ZFHX3: variants seen among roughly 807,000 people sequenced by gnomAD.
ZFHX3 encodes the protein zinc finger homeobox 3.
In ZFHX3, 42 loss-of-function variants were observed where a neutral mutation model predicts 279.1. That is an observed-to-expected ratio of 0.15 (90% CI 0.12 to 0.19). The LOEUF is 0.19. Among genes scored for constraint, ZFHX3 ranks in the 10% least tolerant of loss-of-function variants. The probability of loss-of-function intolerance (pLI) is 1.00; values close to 1 mark genes in which losing one functional copy is unlikely to be tolerated. For missense variants in ZFHX3, 4,981 were observed against 4,754.0 expected (o/e 1.05, Z -1.40); for synonymous variants, 2,293 against 1,957.8 (o/e 1.17, Z -4.52).
intron 4 of ZFHX3, among the ~76,000 whole-genome samples, chr16:73,312,220 T>C (rs1447244224): frequency 6.6e-6 from 1 of 152,130 alleles, no homozygotes; most frequent in African/African-American, 2.4e-5. Flanking sequence ...GGATGTTTAG[T>C]CTGACGACAA....
chr16:73,737,060 G>A (rs371776082), intron 1 of ZFHX3, among the ~76,000 whole-genome samples: 3 of 151,952 alleles, frequency 2.0e-5, no homozygotes. Context: ...TTAAGACAGG[G>A]TCTCACTCTA....
At chr16:72,979,905 G>A (rs1962511492) in intron 1 of ZFHX3, among the ~76,000 whole-genome samples, 1 of 152,030 alleles carries the variant, frequency 6.6e-6, no homozygotes, top group African/African-American at 2.4e-5. Context: ...GCTTTTAAAG[G>A]TACACTATTT....
intron 5 of ZFHX3, among the ~76,000 whole-genome samples, chr16:73,243,130 C>T (rs1023227457): frequency 6.6e-6 from 1 of 152,194 alleles, no homozygotes; most frequent in African/African-American, 2.4e-5. Context: ...GAGCTAGTGG[C>T]ACAGCTCAGG....
At chr16:72,821,238 AACTTAT>A (rs2036782760) in intron 5 of ZFHX3, among the ~76,000 whole-genome samples, 1 of 152,132 alleles carries the variant, frequency 6.6e-6, no homozygotes, top group Non-Finnish European at 1.5e-5. Context: ...AAAATGTGAG[AACTTAT>A]ACTTAGGGAA....
At chr16:73,312,390 A>C (rs2015347402) in intron 4 of ZFHX3, among the ~76,000 whole-genome samples, 1 of 152,002 alleles carries the variant, frequency 6.6e-6, no homozygotes, top group African/African-American at 2.4e-5. Context: ...CCAAACACAA[A>C]GAAAAAAAAA....
rs374228403 is a variant in ZFHX3 at position 73,419,937 on chromosome 16, C to T, written c.-1291+36066G>A. Among the ~76,000 whole-genome samples, 16 of 151,106 alleles carry T rather than the reference C, an allele frequency of 1.1e-4. No individual in the cohort carries two copies. The South Asian group carries it at 2.3e-3, about 22-fold the overall frequency. On this transcript the variant is annotated intron_variant, in intron 3 of 17. Transcript: ENST00000641206. ...TTTTTTTTTTCTGGAGACAGGGTCT[C>T]ACTCTGTCACCCAGGCTGGAGTCCA...
chr16:72,934,023 T>G (rs553064300), intron 3 of ZFHX3, among the ~76,000 whole-genome samples: 1 of 152,178 alleles, frequency 6.6e-6, no homozygotes, highest in African/African-American at 2.4e-5. Context: ...TTTCACCGTG[T>G]TAGCCAGGAT....
chr16:73,206,408 G>T (rs2011805063), intron 5 of ZFHX3, among the ~76,000 whole-genome samples: 1 of 152,088 alleles, frequency 6.6e-6, no homozygotes, highest in Non-Finnish European at 1.5e-5. Context: ...AGGAAAACAG[G>T]GAGTCTGCTG....
At chr16:73,784,791 AAAAAAATATATATAT>A (rs1433099099) in intron 1 of ZFHX3, among the ~76,000 whole-genome samples, 1 of 114,486 alleles carries the variant, frequency 8.7e-6, no homozygotes, top group African/African-American at 3.5e-5. Flanking sequence ...CAAAATAAAA[AAAAAAATATATATAT>A]ATATATATAT....
At chr16:73,131,661 T>G (rs1196229631) in intron 6 of ZFHX3, among the ~76,000 whole-genome samples, 1 of 152,226 alleles carries the variant, frequency 6.6e-6, no homozygotes, top group Non-Finnish European at 1.5e-5. Flanking sequence ...TGCCTTTACC[T>G]GATTTTGCCT....
intron 1 of ZFHX3, among the ~76,000 whole-genome samples, chr16:73,798,312 C>A (rs1161738314): frequency 6.6e-6 from 1 of 151,364 alleles, no homozygotes. Context: ...GGAAGATATT[C>A]TTGGAGAGAT....
At chr16:73,376,598 T>C (rs145070026) in intron 3 of ZFHX3, among the ~76,000 whole-genome samples, 27 of 152,342 alleles carry the variant, frequency 1.8e-4, no homozygotes, top group Admixed American at 3.3e-4. Context: ...TTTTGCATCA[T>C]TGGCTGGAGT....
At chr16:73,490,834 C>A (rs2019046314) in intron 2 of ZFHX3, among the ~76,000 whole-genome samples, 1 of 152,106 alleles carries the variant, frequency 6.6e-6, no homozygotes, top group South Asian at 2.1e-4. Context: ...AAGACCCTGT[C>A]TCTCAAAATA....
chr16:73,380,693 G>A (rs1225221491), intron 3 of ZFHX3, among the ~76,000 whole-genome samples: 3 of 152,198 alleles, frequency 2.0e-5, no homozygotes, highest in African/African-American at 7.2e-5. Context: ...AATACTTAGA[G>A]AGAAATTTAA....
chr16:73,152,131 G>A (rs975099798), intron 5 of ZFHX3, among the ~76,000 whole-genome samples: 1 of 152,072 alleles, frequency 6.6e-6, no homozygotes, highest in African/African-American at 2.4e-5. Context: ...TGTCCCGAAC[G>A]ATGATGAATT....
intron 2 of ZFHX3, among the ~76,000 whole-genome samples, chr16:73,647,098 C>T (rs2052625965): frequency 6.6e-6 from 1 of 150,860 alleles, no homozygotes; most frequent in South Asian, 2.1e-4. Flanking sequence ...CTGCACGGTC[C>T]GACTCCCAGG....
intron 1 of ZFHX3, among the ~76,000 whole-genome samples, chr16:73,715,629 A>G (rs1364256404): frequency 7.0e-6 from 1 of 143,704 alleles, no homozygotes; most frequent in African/African-American, 2.7e-5. Context: ...CTGGAATGCA[A>G]TGGTGCGATC....
At chr16:73,559,732 C>T (rs1390103781) in intron 2 of ZFHX3, among the ~76,000 whole-genome samples, 5 of 152,222 alleles carry the variant, frequency 3.3e-5, no homozygotes, top group East Asian at 1.9e-4. Context: ...AGGTCTTTGG[C>T]GGACTCTGGC....
At chr16:73,480,454 CCTCCTGCCA>C (rs1484000461) in intron 2 of ZFHX3, among the ~76,000 whole-genome samples, 1 of 152,196 alleles carries the variant, frequency 6.6e-6, no homozygotes, top group Non-Finnish European at 1.5e-5. Context: ...ATTTTTAACT[CCTCCTGCCA>C]CTGCTAAGGA....
Sources: allele counts gnomAD v4.1 joint callset (sites outside exome capture counted in the v4.1 genomes callset), GRCh38; gene constraint gnomAD v4.1.1; transcripts MANE v1.5; gene names NCBI Gene and HGNC (gene_info 2026-07-23, HGNC 2026-07-21).